Variants in ADAMTSL1 observed in about 807,000 individuals in gnomAD.
ADAMTSL1 encodes the protein ADAMTS like 1, also known as ADAMTS-like protein 1.
Under a neutral mutation model 201.8 loss-of-function variants are expected in ADAMTSL1, and 126 were observed. The ratio of observed to expected loss-of-function variants is 0.62; its 90% CI spans 0.54 to 0.72. The LOEUF (loss-of-function observed/expected upper bound fraction) is 0.72. Among genes scored for constraint, ADAMTSL1 ranks in the 30% least tolerant of loss-of-function variants. The pLI is 0.00. For missense variants in ADAMTSL1, 2,679 were observed against 2,277.8 expected, an observed-to-expected ratio of 1.18 and a Z score of -3.59; for synonymous variants, 1,121 against 903.4, an observed-to-expected ratio of 1.24 and a Z score of -4.32.
chr9:18,481,011 G>A (rs4961651), intron 1 of ADAMTSL1, among the ~76,000 whole-genome samples: 83,679 of 151,628 alleles, frequency 0.55, 23,171 homozygotes, highest in South Asian at 0.57. Context: ...AGGGGAAGGC[G>A]AATATAACAG....
chr9:18,523,781 G>A lies in ADAMTSL1; in HGVS notation c.192-9466G>A, dbSNP rs566313110. On this transcript the variant is annotated intron_variant, in intron 2 of 28. Transcript: ENST00000380548. The stretch of plus-strand genomic sequence containing the variant: ...ATGCGGCGTTATTTCTGAGGGCTCT[G>A]TTCTGTTCCATTGATCTATATCTCT... Among the ~76,000 whole-genome samples the A allele has an allele frequency of 3.6e-3, 506 of 139,958 alleles. 3 individuals are homozygous for A. The highest frequency in any genetic ancestry group is 0.013 in the African/African-American group (493 of 37,168). The allele number at this position is 139,958 out of a possible 152,430, so 91.8% of individuals were successfully genotyped here.
intron 14 of ADAMTSL1, among the ~76,000 whole-genome samples, chr9:18,708,300 A>G (rs899260367): frequency 2.1e-4 from 32 of 152,238 alleles, no homozygotes; most frequent in Non-Finnish European, 1.0e-4. Context: ...CAGGTCTTTT[A>G]GTAAGCATTT....
At chr9:18,098,759 G>A (rs1247950884) in intron 1 of ADAMTSL1, among the ~76,000 whole-genome samples, 1 of 152,116 alleles carries the variant, frequency 6.6e-6, no homozygotes, top group Non-Finnish European at 1.5e-5. Context: ...ACTCTCTGGT[G>A]TCCTACCCTA....
intron 1 of ADAMTSL1, among the ~76,000 whole-genome samples, chr9:17,947,355 G>A (rs1827544110): frequency 6.9e-6 from 1 of 144,410 alleles, no homozygotes; most frequent in African/African-American, 2.6e-5. Context: ...ACCCCACTAT[G>A]CACTTGATAA....
In ADAMTSL1 at chr9:18,399,290, T is replaced by TATATATATATATATATAC. The variant is rs1817875703; in HGVS notation, c.208-105522_208-105521insCATATATATATATATATA. On this transcript the variant is annotated intron_variant, in intron 2 of 29. Coordinates refer to the ADAMTSL1 transcript ENST00000680146. ...CCTCTGTCTGCTTTACATATATATA[T>TATATATATATATATATAC]ATATATATATATATATATATATATA... Among the ~76,000 whole-genome samples, 22 of 88,818 alleles carry TATATATATATATATATAC rather than the reference T, an allele frequency of 2.5e-4. 1 individual carries two copies. Among genetic ancestry groups the TATATATATATATATATAC allele is most frequent in the Admixed American group, 6.3e-4 (6 of 9,496 alleles). The allele number at this position is 88,818 out of a possible 152,430, so 58.3% of individuals were successfully genotyped here. A position where few individuals can be genotyped will look rare whatever the true frequency, so the allele number is the denominator to read the frequency against.
intron 2 of ADAMTSL1, among the ~76,000 whole-genome samples, chr9:18,408,347 T>G (rs769707241): frequency 9.2e-5 from 14 of 152,166 alleles, no homozygotes; most frequent in Non-Finnish European, 1.9e-4. Flanking sequence ...GGTAGGCACC[T>G]GTAATCCCAG....
chr9:18,791,411 G>C (rs10756989), intron 19 of ADAMTSL1, among the ~76,000 whole-genome samples: 91,553 of 152,064 alleles, frequency 0.6, 28,922 homozygotes, highest in Non-Finnish European at 0.68. Flanking sequence ...GAAATAACAT[G>C]CAAATGGGCC....
intron 3 of ADAMTSL1, among the ~76,000 whole-genome samples, chr9:18,567,782 TATAG>T (rs558177843): frequency 9.5e-4 from 145 of 152,284 alleles, no homozygotes; most frequent in African/African-American, 3.2e-3. Flanking sequence ...TGTAAGAAAA[TATAG>T]ATAATTTCTC....
intron 1 of ADAMTSL1, among the ~76,000 whole-genome samples, chr9:18,069,142 A>G (rs546044013): frequency 5.9e-5 from 9 of 152,184 alleles, no homozygotes; most frequent in African/African-American, 2.2e-4. Context: ...CAGCTGAAAT[A>G]CGGTGTCTGA....
intron 1 of ADAMTSL1, among the ~76,000 whole-genome samples, chr9:18,094,659 C>G (rs186650789): frequency 1.7e-4 from 26 of 151,846 alleles, no homozygotes; most frequent in Admixed American, 5.9e-4. Context: ...CTCCTGGGTT[C>G]AAGTGATTCT....
chr9:18,216,510 C>A (rs1161243291), intron 2 of ADAMTSL1, among the ~76,000 whole-genome samples: 2 of 152,126 alleles, frequency 1.3e-5, no homozygotes. Context: ...GAAAACACCA[C>A]ACAGTTTAGG....
At chr9:18,299,903 A>C (rs1482212966) in intron 2 of ADAMTSL1, among the ~76,000 whole-genome samples, 1 of 152,234 alleles carries the variant, frequency 6.6e-6, no homozygotes, top group Non-Finnish European at 1.5e-5. Flanking sequence ...AGAACTGGGG[A>C]TTAGAATTGT....
chr9:18,882,778 G>A (rs1374059050), intron 23 of ADAMTSL1, among the ~76,000 whole-genome samples: 1 of 152,068 alleles, frequency 6.6e-6, no homozygotes, highest in Non-Finnish European at 1.5e-5. Flanking sequence ...AGGATCACTT[G>A]AGGCCAGGAG....
intron 1 of ADAMTSL1, among the ~76,000 whole-genome samples, chr9:18,104,447 C>T (rs937499900): frequency 1.3e-5 from 2 of 152,134 alleles, no homozygotes; most frequent in Non-Finnish European, 2.9e-5. Context: ...CATTTTAGCT[C>T]TTTTCCTGGT....
chr9:18,432,811 G>C (rs1397756605), intron 2 of ADAMTSL1, among the ~76,000 whole-genome samples: 1 of 152,148 alleles, frequency 6.6e-6, no homozygotes, highest in Non-Finnish European at 1.5e-5. Flanking sequence ...TAGTACGATG[G>C]TTCTTCTATG....
intron 4 of ADAMTSL1, among the ~76,000 whole-genome samples, chr9:18,595,760 G>A (rs186960818): frequency 2.6e-5 from 4 of 152,338 alleles, no homozygotes; most frequent in Admixed American, 2.6e-4. Context: ...GGACCCCTTG[G>A]CAGATGATTT....
intron 1 of ADAMTSL1, among the ~76,000 whole-genome samples, chr9:18,488,122 A>C (rs1822089457): frequency 6.6e-6 from 1 of 152,182 alleles, no homozygotes; most frequent in Admixed American, 6.5e-5. Context: ...CAGAAATACG[A>C]TTATGGAACC....
intron 1 of ADAMTSL1, among the ~76,000 whole-genome samples, chr9:18,144,516 A>G (rs1373554751): frequency 6.6e-6 from 1 of 152,084 alleles, no homozygotes; most frequent in African/African-American, 2.4e-5. Flanking sequence ...CTAATAGTGT[A>G]TATCTCTTTA....
At position 18,681,819 on chromosome 9, in the gene ADAMTSL1, T is replaced by C; in HGVS notation, c.1349T>C (p.Val450Ala). 1 of 1,610,894 alleles carries C rather than the reference T, an allele frequency of 6.2e-7. No individual in the cohort carries two copies. Among genetic ancestry groups the C allele is most frequent in the East Asian group, 2.2e-5 (1 of 44,720 alleles). ...CTTGCAATCTCTTTCCAGTGCACAGTGACATGTGGCCAGGGCCTCAGATAC... is the reference window on the plus strand; with the variant it reads ...CTTGCAATCTCTTTCCAGTGCACAGCGACATGTGGCCAGGGCCTCAGATAC... Reference protein sequence around the residue: ...WLAQEWSPCTVTCGQGLRYRV... With the variant: ...WLAQEWSPCTATCGQGLRYRV... Residue 450 changes from valine to alanine, a missense_variant, in exon 12 of 29, where the codon GTG (valine) becomes GCG (alanine). Transcript: ENST00000380548.
Sources: allele counts gnomAD v4.1 joint callset (sites outside exome capture counted in the v4.1 genomes callset), GRCh38; gene constraint gnomAD v4.1.1; transcripts MANE v1.5; gene names NCBI Gene and HGNC (gene_info 2026-07-23, HGNC 2026-07-21).